The following MYLK variants were observed in gnomAD, a reference collection of about 807,000 sequenced individuals.
The protein encoded by MYLK is myosin light chain kinase, smooth muscle.
A neutral mutation model predicts 203.4 loss-of-function variants in MYLK; 106 were observed. The ratio of observed to expected loss-of-function variants is 0.52; its 90% CI spans 0.45 to 0.61. The LOEUF is 0.61. Among genes scored for constraint, MYLK ranks in the 20% least tolerant of loss-of-function variants. The pLI is 0.00. For missense variants in MYLK, 2,072 were observed against 2,442.3 expected (o/e 0.85, Z 3.20); for synonymous variants, 867 against 959.5 (o/e 0.90, Z 1.78).
chr3:123,820,627 CTT>C (rs2065894120), intron 3 of MYLK, among the ~76,000 whole-genome samples: 1 of 139,856 alleles, frequency 7.2e-6, no homozygotes, highest in Non-Finnish European at 1.6e-5. Flanking sequence ...TCCTTCCTTC[CTT>C]CCTTCCTTCC....
chr3:123,827,173 A>T (rs2066148804), intron 3 of MYLK, among the ~76,000 whole-genome samples: 1 of 152,246 alleles, frequency 6.6e-6, no homozygotes, highest in Non-Finnish European at 1.5e-5. Flanking sequence ...GAAGATTTGA[A>T]TGAGAAATTC....
At chr3:123,652,074 C>T (rs551640226) in intron 24 of MYLK, among the ~76,000 whole-genome samples, 35 of 152,238 alleles carry the variant, frequency 2.3e-4, no homozygotes, top group South Asian at 2.1e-3. Flanking sequence ...GAGTGAGACC[C>T]GATCTCTTTA....
intron 4 of MYLK, among the ~76,000 whole-genome samples, chr3:123,788,160 T>C (rs1345539622): frequency 6.6e-6 from 1 of 152,078 alleles, no homozygotes; most frequent in Non-Finnish European, 1.5e-5. Flanking sequence ...AGGGCAGAAA[T>C]CAGAGCAGGA....
intron 4 of MYLK, among the ~76,000 whole-genome samples, chr3:123,759,203 T>C (rs1364971922): frequency 6.6e-6 from 1 of 152,176 alleles, no homozygotes; most frequent in African/African-American, 2.4e-5. Context: ...ATTGTTTTCA[T>C]AGCAAAACAG....
At chr3:123,834,919 C>T (rs773237390) in intron 2 of MYLK, among the ~76,000 whole-genome samples, 9 of 152,128 alleles carry the variant, frequency 5.9e-5, no homozygotes, top group Non-Finnish European at 1.2e-4. Context: ...TGCATATTGT[C>T]TTATGAGGCA....
chr3:123,700,768 G>T lies in MYLK; in HGVS notation c.2700C>A (p.Leu900=). 6.2e-7 allele frequency: 1 copy of T among 1,614,160 alleles called. No homozygotes were observed. The highest frequency in any genetic ancestry group is 8.5e-7 in the Non-Finnish European group (1 of 1,180,038). Residue 900 remains leucine, a synonymous_variant, in exon 18 of 34, where the codon CTC becomes CTA. Transcript: ENST00000360304. ...TCTTTGTACTCACCTTCTTCCCCAG[G>T]AGGTCTCGGAAGTCCAGCTGCTCCA... ...QEVEQLDFRD[L]LGKKVSTKTL... is the part of the protein sequence containing the mutation.
At chr3:123,816,775 G>A (rs958535580) in intron 3 of MYLK, among the ~76,000 whole-genome samples, 2 of 152,216 alleles carry the variant, frequency 1.3e-5, no homozygotes, top group African/African-American at 4.8e-5. Context: ...GAGTTGGGGG[G>A]AGCAGAATTT....
intron 16 of MYLK, among the ~76,000 whole-genome samples, chr3:123,705,652 A>T (rs2061432407): frequency 6.6e-6 from 1 of 152,094 alleles, no homozygotes; most frequent in African/African-American, 2.4e-5. Flanking sequence ...CTGGCCCCAG[A>T]CAGTCTGCCT....
chr3:123,695,886 CG>C (rs1488398641), intron 18 of MYLK, among the ~76,000 whole-genome samples: 1 of 152,166 alleles, frequency 6.6e-6, no homozygotes, highest in African/African-American at 2.4e-5. Flanking sequence ...ACGGGACCAT[CG>C]GCCTCCCACC....
chr3:123,670,886 G>T (rs1458112855), intron 20 of MYLK, among the ~76,000 whole-genome samples: 1 of 152,252 alleles, frequency 6.6e-6, no homozygotes, highest in Non-Finnish European at 1.5e-5. Context: ...CTGTTAGACA[G>T]TGCTGGCCTC....
chr3:123,858,902 G>C (rs994063189), intron 2 of MYLK, among the ~76,000 whole-genome samples: 4 of 152,116 alleles, frequency 2.6e-5, no homozygotes, highest in African/African-American at 9.7e-5. Context: ...CTTCATCCAG[G>C]AGAGCTGTGT....
chr3:123,811,146 C>T (rs138439547), intron 3 of MYLK, among the ~76,000 whole-genome samples: 197 of 152,298 alleles, frequency 1.3e-3, no homozygotes, highest in Middle Eastern at 6.8e-3. Flanking sequence ...GGAACTTCTG[C>T]TCGGAGGTGT....
intron 4 of MYLK, among the ~76,000 whole-genome samples, chr3:123,790,321 G>A (rs2109084409): frequency 6.6e-6 from 1 of 152,286 alleles, no homozygotes; most frequent in South Asian, 2.1e-4. Context: ...TGTGTCACTG[G>A]GCTACCCTTA....
intron 24 of MYLK, 55 bp downstream of exon 24, chr3:123,657,071 C>G (rs1331068969): frequency 6.3e-7 from 1 of 1,591,648 alleles, no homozygotes; most frequent in African/African-American, 1.3e-5. Flanking sequence ...TTTACATACA[C>G]AAGGTCAGTC....
intron 18 of MYLK, among the ~76,000 whole-genome samples, chr3:123,696,200 A>C (rs1393511701): frequency 2.0e-5 from 3 of 152,102 alleles, no homozygotes; most frequent in Admixed American, 2.0e-4. Flanking sequence ...GACATCAGAG[A>C]AGTCCCCTGA....
chr3:123,737,643 C>G (rs1224860678), intron 7 of MYLK, 100 bp from the exon 8 acceptor site: 1 of 1,507,932 alleles, frequency 6.6e-7, no homozygotes, highest in African/African-American at 1.4e-5. Flanking sequence ...ACTCCAGGGC[C>G]TGGGCAGCAG....
chr3:123,812,267 T>G (rs1348068228), intron 3 of MYLK, among the ~76,000 whole-genome samples: 1 of 152,186 alleles, frequency 6.6e-6, no homozygotes, highest in Non-Finnish European at 1.5e-5. Context: ...CAGCACCTGT[T>G]CCTTGTGATG....
intron 13 of MYLK, among the ~76,000 whole-genome samples, chr3:123,719,692 C>T (rs934715521): frequency 6.6e-6 from 1 of 152,220 alleles, no homozygotes; most frequent in East Asian, 1.9e-4. Flanking sequence ...ACACCCAGGC[C>T]GCTGGCTCCA....
intron 1 of MYLK, among the ~76,000 whole-genome samples, chr3:123,878,926 TC>T (rs1486707516): frequency 1.3e-5 from 2 of 152,186 alleles, no homozygotes; most frequent in Non-Finnish European, 2.9e-5. Context: ...CCTCAGGTGA[TC>T]CACCCGCCTT....
Sources: gnomAD v4.1 joint callset for allele counts (sites outside exome capture counted in the v4.1 genomes callset) on GRCh38, gnomAD v4.1.1 for gene constraint, MANE v1.5 for transcripts, NCBI Gene and HGNC (gene_info 2026-07-23, HGNC 2026-07-21) for gene names.